The following MTRR variants were observed in gnomAD, a reference collection of about 807,000 sequenced individuals.
The protein encoded by MTRR is 5-methyltetrahydrofolate-homocysteine methyltransferase reductase.
A neutral mutation model predicts 79.2 loss-of-function variants in MTRR; 63 were observed. That is an observed-to-expected ratio of 0.80 (90% CI 0.65 to 0.98). The LOEUF (loss-of-function observed/expected upper bound fraction) is 0.98, where lower values mean the gene tolerates loss of function less well. Among genes scored for constraint, MTRR ranks in the 50% least tolerant of loss-of-function variants. The probability of loss-of-function intolerance (pLI) is 0.00; values close to 1 mark genes in which losing one functional copy is unlikely to be tolerated. For missense variants in MTRR, 895 were observed against 839.6 expected (o/e 1.07, Z -0.82); for synonymous variants, 355 against 313.3 (o/e 1.13, Z -1.41).
chr5:7,851,174 G>T, upstream of MTRR: 5 of 915,232 alleles, frequency 5.5e-6, no homozygotes, highest in Non-Finnish European at 7.1e-6. Context: ...TGGCGACCCG[G>T]AGCTGCCCTG....
chr5:7,864,777 A>G (rs1474802509), upstream of MTRR, among the ~76,000 whole-genome samples: 1 of 151,780 alleles, frequency 6.6e-6, no homozygotes, highest in Non-Finnish European at 1.5e-5. Context: ...ACCTTCATTC[A>G]TTGCTGGGGA....
At chr5:7,866,999 A>G (rs1344187557), upstream of MTRR, 1 of 1,614,166 alleles carries the variant, frequency 6.2e-7, no homozygotes, top group South Asian at 1.1e-5. Context: ...CGTGAGGCAC[A>G]CCGCAGCTAC....
chr5:7,893,119 A>G, intron 11 of MTRR: 1 of 623,900 alleles, frequency 1.6e-6, no homozygotes, highest in South Asian at 2.0e-5. Context: ...TGAATGTATA[A>G]AGCATGAATT....
intron 5 of MTRR, among the ~76,000 whole-genome samples, chr5:7,882,509 A>G (rs1735747394): frequency 6.6e-6 from 1 of 152,198 alleles, no homozygotes; most frequent in Non-Finnish European, 1.5e-5. Context: ...TTAATTGACT[A>G]GTACTGTTAA....
At chr5:7,851,228 C>T in exon 1 of MTRR, 1 of 477,374 alleles carries the variant, frequency 2.1e-6, no homozygotes, top group Non-Finnish European at 3.3e-6. Context: ...CCTCCTCCCT[C>T]CCGGCCCCTC....
intron 7 of MTRR, 76 bp from the exon 8 acceptor site, chr5:7,886,539 G>C: frequency 8.9e-7 from 1 of 1,121,176 alleles, no homozygotes; most frequent in Non-Finnish European, 1.4e-6. Context: ...CAGTAATTGT[G>C]TTTTGGGGAG....
chr5:7,866,470 G>A (rs1328389061), upstream of MTRR, among the ~76,000 whole-genome samples: 1 of 152,172 alleles, frequency 6.6e-6, no homozygotes, highest in East Asian at 1.9e-4. Flanking sequence ...CCCTCTACAT[G>A]ATTTCCTAGC....
chr5:7,862,793 T>C lies in MTRR; in HGVS notation n.498+736T>C, dbSNP rs1344635885. 5.1e-6 allele frequency: 8 copies of C among 1,581,760 alleles called. No individual in the cohort carries two copies. In the South Asian group the frequency reaches 9.1e-5, roughly 18 times the overall value. On this transcript the variant is annotated intron_variant and non_coding_transcript_variant, in intron 2 of 3. Transcript: ENST00000502509. ...CAAAATCGAACAGGATGCTTAGGTT[T>C]AAAACAACAAAACTCCTTATACTAC...
intron 12 of MTRR, 120 bp downstream of exon 12, chr5:7,895,972 G>T: frequency 7.9e-7 from 1 of 1,265,110 alleles, no homozygotes; most frequent in Non-Finnish European, 1.1e-6. Context: ...ATTATTCAAT[G>T]TGCGATAACA....
chr5:7,887,212 T>C (rs1198156545), intron 8 of MTRR, among the ~76,000 whole-genome samples: 1 of 152,032 alleles, frequency 6.6e-6, no homozygotes, highest in Non-Finnish European at 1.5e-5. Flanking sequence ...TCAGGAAAAA[T>C]GGAAGGGTTT....
intron 1 of MTRR, among the ~76,000 whole-genome samples, chr5:7,855,836 T>C (rs1298955839): frequency 6.6e-6 from 1 of 152,140 alleles, no homozygotes; most frequent in African/African-American, 2.4e-5. Flanking sequence ...AGGGAGATGT[T>C]TGCTTTTTCT....
chr5:7,882,753 C>G (rs911298082), intron 5 of MTRR, among the ~76,000 whole-genome samples: 1 of 151,408 alleles, frequency 6.6e-6, no homozygotes, highest in African/African-American at 2.4e-5. Flanking sequence ...AGCATTGCCC[C>G]ACACTAGGGG....
Position 7,875,276 on chromosome 5 carries a change from A to G in MTRR, c.302A>G (p.Tyr101Cys). The G allele has an allele frequency of 6.2e-7, 1 of 1,612,774 alleles. No individual in the cohort carries two copies. Among genetic ancestry groups the G allele is most frequent in the Non-Finnish European group, 8.5e-7 (1 of 1,178,858 alleles). The change falls in exon 4 of 15, where the codon TAC becomes TGC. Residue 101 changes from tyrosine to cysteine, a missense_variant. Transcript: ENST00000440940. ...TCTCTAGGTCTCGGTGATTCAGAAT[A>G]CACCTACTTTTGCAATGGGGGGAAG... ...YGLLGLGDSE[Y>C]TYFCNGGKII... is the part of the protein sequence containing the mutation.
chr5:7,885,438 C>T (rs1188467933), intron 6 of MTRR, among the ~76,000 whole-genome samples: 3 of 152,070 alleles, frequency 2.0e-5, no homozygotes, highest in East Asian at 1.9e-4. Flanking sequence ...GTCTGACTTC[C>T]ATTCTTTAAG....
chr5:7,883,152 A>T lies in MTRR; in HGVS notation c.781-3A>T. 1 of 1,614,200 alleles carries T rather than the reference A, an allele frequency of 6.2e-7. No individual in the cohort carries two copies. The highest frequency in any genetic ancestry group is 8.5e-7 in the Non-Finnish European group (1 of 1,180,036). On this transcript the variant is annotated splice_polypyrimidine_tract_variant and splice_region_variant and intron_variant, in intron 5 of 14. Coordinates refer to ENST00000440940, the MANE Select transcript of MTRR (RefSeq NM_002454.3). The stretch of plus-strand genomic sequence containing the variant: ...TTACGTTTTGTCACATTTGTTTTTC[A>T]AGGAGGAAAGCCAAGTATCTGTGAC...
chr5:7,877,104 C>T (rs1734692728), intron 4 of MTRR, among the ~76,000 whole-genome samples: 2 of 152,150 alleles, frequency 1.3e-5, no homozygotes, highest in Admixed American at 6.5e-5. Context: ...AATCTGCCTC[C>T]TCTTGGTATT....
chr5:7,895,439 T>C (rs567845752), intron 11 of MTRR, among the ~76,000 whole-genome samples: 1 of 152,352 alleles, frequency 6.6e-6, no homozygotes, highest in South Asian at 2.1e-4. Flanking sequence ...GCAGATCTTA[T>C]CCATAGACCA....
At chr5:7,875,569 C>T (rs1241084202) in intron 4 of MTRR, among the ~76,000 whole-genome samples, 194 bp downstream of exon 4, 1 of 152,166 alleles carries the variant, frequency 6.6e-6, no homozygotes, top group Non-Finnish European at 1.5e-5. Flanking sequence ...CTTTTGTGTC[C>T]ATCTCATCCT....
intron 11 of MTRR, chr5:7,893,798 G>A (rs1738045621): frequency 6.6e-6 from 1 of 152,116 alleles, no homozygotes; most frequent in South Asian, 2.1e-4. Flanking sequence ...ATACTTGAGA[G>A]GATAAGGGAT....
Sources: gnomAD v4.1 joint callset for allele counts (sites outside exome capture counted in the v4.1 genomes callset) on GRCh38, gnomAD v4.1.1 for gene constraint, MANE v1.5 for transcripts, NCBI Gene and HGNC (gene_info 2026-07-23, HGNC 2026-07-21) for gene names.